Variants in CNTN5 observed in about 807,000 individuals in gnomAD.
The protein encoded by CNTN5 is contactin 5, also known as contactin-5.
In CNTN5, 77 loss-of-function variants were observed where a neutral mutation model predicts 129.1. The ratio of observed to expected loss-of-function variants is 0.60; its 90% CI spans 0.50 to 0.72. The LOEUF is 0.72. Ranked by LOEUF, CNTN5 falls within the 30% of genes least tolerant of loss-of-function variation. The pLI, the probability that CNTN5 is intolerant of heterozygous loss-of-function variation, is 0.00. For synonymous variants in CNTN5, 509 were observed against 465.6 expected, an observed-to-expected ratio of 1.09 and a Z score of -1.20; for missense variants, 1,478 against 1,328.8, an observed-to-expected ratio of 1.11 and a Z score of -1.75.
chr11:99,543,783 T>C (rs1164379127), intron 2 of CNTN5, among the ~76,000 whole-genome samples: 1 of 151,916 alleles, frequency 6.6e-6, no homozygotes, highest in African/African-American at 2.4e-5. Flanking sequence ...CTGTGCGTGG[T>C]GGCACACGCC....
chr11:99,380,876 T>C (rs1281048293), intron 2 of CNTN5, among the ~76,000 whole-genome samples: 1 of 151,946 alleles, frequency 6.6e-6, no homozygotes, highest in Non-Finnish European at 1.5e-5. Context: ...GATACTGGGG[T>C]TACATCAGTG....
chr11:99,508,714 T>G (rs551593411), intron 2 of CNTN5, among the ~76,000 whole-genome samples: 35 of 147,386 alleles, frequency 2.4e-4, no homozygotes, highest in Middle Eastern at 6.9e-3. Context: ...AATTTTGTTC[T>G]TGTCACCCAG....
intron 9 of CNTN5, among the ~76,000 whole-genome samples, chr11:100,047,376 A>C (rs1437358725): frequency 6.6e-6 from 1 of 152,216 alleles, no homozygotes; most frequent in Admixed American, 6.5e-5. Context: ...AACAAGTTTT[A>C]CAAGGATTAA....
chr11:99,093,445 GTT>G (rs11399723), intron 1 of CNTN5, among the ~76,000 whole-genome samples: 1 of 146,368 alleles, frequency 6.8e-6, no homozygotes. Flanking sequence ...TTGTTTTTCT[GTT>G]TTTTTTTTTA....
intron 3 of CNTN5, among the ~76,000 whole-genome samples, chr11:99,608,602 G>C (rs1329264083): frequency 6.6e-6 from 1 of 152,084 alleles, no homozygotes; most frequent in Non-Finnish European, 1.5e-5. Context: ...AAGAGACACA[G>C]GGAGATTAAC....
intron 2 of CNTN5, among the ~76,000 whole-genome samples, chr11:99,414,463 G>GTAT (rs1565563106): frequency 2.6e-5 from 4 of 151,232 alleles, no homozygotes; most frequent in African/African-American, 9.7e-5. Flanking sequence ...GTGTATGTAT[G>GTAT]CAGAATATAT....
At chr11:100,050,531 C>G (rs1005541216) in intron 9 of CNTN5, among the ~76,000 whole-genome samples, 1 of 151,550 alleles carries the variant, frequency 6.6e-6, no homozygotes, top group Non-Finnish European at 1.5e-5. Flanking sequence ...TGCTAAATGA[C>G]GAGTTAATGG....
intron 8 of CNTN5, among the ~76,000 whole-genome samples, chr11:99,973,577 G>T (rs1937724213): frequency 6.6e-6 from 1 of 152,002 alleles, no homozygotes; most frequent in East Asian, 1.9e-4. Flanking sequence ...ATAACCTTAA[G>T]GCTTCCTGTG....
intron 1 of CNTN5, among the ~76,000 whole-genome samples, chr11:99,097,931 C>T (rs142882982): frequency 0.035 from 5,352 of 151,886 alleles, 123 homozygotes; most frequent in South Asian, 0.068. Context: ...ATCAATATAA[C>T]ATTAAACTAA....
intron 2 of CNTN5, among the ~76,000 whole-genome samples, chr11:99,529,577 G>A (rs577333096): frequency 2.6e-5 from 4 of 152,218 alleles, no homozygotes; most frequent in African/African-American, 7.2e-5. Flanking sequence ...AGGCATTTGG[G>A]ATTGAGTCTT....
chr11:99,099,976 T>A (rs2135346336), intron 1 of CNTN5, among the ~76,000 whole-genome samples: 1 of 152,288 alleles, frequency 6.6e-6, no homozygotes, highest in South Asian at 2.1e-4. Flanking sequence ...AATCATATTC[T>A]ATTATTTCAT....
At chr11:99,731,564 T>C (rs1023932951) in intron 3 of CNTN5, among the ~76,000 whole-genome samples, 1 of 152,140 alleles carries the variant, frequency 6.6e-6, no homozygotes, top group Non-Finnish European at 1.5e-5. Flanking sequence ...AGGATAGCAG[T>C]GCTATATCAG....
chr11:99,585,673 G>A (rs909510743), intron 3 of CNTN5, among the ~76,000 whole-genome samples: 16 of 151,992 alleles, frequency 1.1e-4, no homozygotes, highest in African/African-American at 3.9e-4. Flanking sequence ...CTGTAAATGG[G>A]CCCTAATATC....
In CNTN5 at chr11:99,881,846, A is replaced by C. The variant is rs578212334; in HGVS notation, c.578-34208A>C. On this transcript the variant is annotated intron_variant, in intron 6 of 24. Transcript: ENST00000524871. Reference sequence around the variant, plus strand: ...CAGCCGACTACTATCTGAGAGTTGCACAGTATTGTCTGATAACATTCTATA... The same window carrying C: ...CAGCCGACTACTATCTGAGAGTTGCCCAGTATTGTCTGATAACATTCTATA... 5.9e-5 allele frequency among the ~76,000 whole-genome samples: 9 copies of C among 152,302 alleles called. No homozygotes were observed. The South Asian group carries it at 1.9e-3, about 32-fold the overall frequency.
intron 1 of CNTN5, among the ~76,000 whole-genome samples, chr11:99,160,854 A>G (rs1432937514): frequency 6.6e-6 from 1 of 152,216 alleles, no homozygotes; most frequent in Non-Finnish European, 1.5e-5. Flanking sequence ...AGAAAGAGAT[A>G]CATATTACAT....
chr11:99,304,133 G>C (rs944864823), intron 1 of CNTN5, among the ~76,000 whole-genome samples: 4 of 152,092 alleles, frequency 2.6e-5, no homozygotes, highest in African/African-American at 9.7e-5. Flanking sequence ...GCAAAGCTAA[G>C]CCTGAGAAAT....
chr11:99,836,604 C>T (rs1162218211), intron 4 of CNTN5, among the ~76,000 whole-genome samples: 3 of 152,016 alleles, frequency 2.0e-5, no homozygotes, highest in South Asian at 2.1e-4. Flanking sequence ...AGTAAACATA[C>T]GTGTGCATGT....
At chr11:99,792,759 G>A (rs948916537) in intron 3 of CNTN5, among the ~76,000 whole-genome samples, 2 of 152,058 alleles carry the variant, frequency 1.3e-5, no homozygotes, top group African/African-American at 4.8e-5. Context: ...CTGGTCCTGG[G>A]CATTCTCTGG....
At chr11:100,144,813 G>C (rs1269341466) in intron 13 of CNTN5, among the ~76,000 whole-genome samples, 1 of 150,994 alleles carries the variant, frequency 6.6e-6, no homozygotes, top group Admixed American at 6.6e-5. Flanking sequence ...ATAAAGCCCT[G>C]TACTTGGTTA....
Sources: allele counts gnomAD v4.1 joint callset (sites outside exome capture counted in the v4.1 genomes callset), GRCh38; gene constraint gnomAD v4.1.1; transcripts MANE v1.5; gene names NCBI Gene and HGNC (gene_info 2026-07-23, HGNC 2026-07-21).